Variants in KCNIP1 observed in about 807,000 individuals in gnomAD.
The protein encoded by KCNIP1 is A-type potassium channel modulatory protein KCNIP1.
KCNIP1 carries 18 observed loss-of-function variants against 33.0 expected under a neutral mutation model. The observed-to-expected ratio is 0.55, with a 90% CI of 0.38 to 0.81. KCNIP1 has a LOEUF of 0.81. Among genes scored for constraint, KCNIP1 ranks in the 30% least tolerant of loss-of-function variants. The pLI is 0.00. For synonymous variants in KCNIP1, 93 were observed against 98.3 expected (o/e 0.95, Z 0.32); for missense variants, 238 against 271.6 (o/e 0.88, Z 0.87).
At chr5:170,588,995 T>A (rs1382568861) in intron 1 of KCNIP1, among the ~76,000 whole-genome samples, 1 of 130,468 alleles carries the variant, frequency 7.7e-6, no homozygotes. Context: ...CATACTTACT[T>A]CTTTTTTTTT....
At chr5:170,543,554 G>C (rs1261970207) in intron 1 of KCNIP1, among the ~76,000 whole-genome samples, 1 of 152,140 alleles carries the variant, frequency 6.6e-6, no homozygotes, top group Non-Finnish European at 1.5e-5. Flanking sequence ...TCCTATCTTA[G>C]CACAGTCTAA....
chr5:170,607,145 C>T (rs1327291115), intron 1 of KCNIP1, among the ~76,000 whole-genome samples: 2 of 152,218 alleles, frequency 1.3e-5, no homozygotes, highest in African/African-American at 2.4e-5. Context: ...CTGTTGGTCT[C>T]TCATGCCCAA....
At chr5:170,483,444 G>A (rs1007555238) in intron 1 of KCNIP1, among the ~76,000 whole-genome samples, 15 of 152,124 alleles carry the variant, frequency 9.9e-5, no homozygotes, top group East Asian at 1.9e-4. Context: ...AGCCCCTCTC[G>A]CTTCTTTTTC....
At chr5:170,521,592 C>T (rs188047895) in intron 1 of KCNIP1, among the ~76,000 whole-genome samples, 71 of 152,294 alleles carry the variant, frequency 4.7e-4, no homozygotes, top group African/African-American at 1.6e-3. Context: ...CTGGGAAGGA[C>T]AAGGGGAATC....
intron 1 of KCNIP1, among the ~76,000 whole-genome samples, chr5:170,498,650 G>C (rs1299633965): frequency 1.3e-5 from 2 of 152,144 alleles, no homozygotes. Flanking sequence ...CATATATTTA[G>C]AATAGCGCCT....
intron 1 of KCNIP1, among the ~76,000 whole-genome samples, chr5:170,605,350 G>A (rs997904742): frequency 1.6e-4 from 24 of 152,120 alleles, no homozygotes; most frequent in Non-Finnish European, 3.2e-4. Context: ...CTATTTCCCA[G>A]CTGCAATTTC....
At chr5:170,353,762 T>G (rs1581100769) in exon 1 of KCNIP1, 1 of 872,618 alleles carries the variant, frequency 1.1e-6, no homozygotes, top group Non-Finnish European at 1.8e-6. Flanking sequence ...GCTTCAGGGG[T>G]GCATCCGTCA....
intron 1 of KCNIP1, among the ~76,000 whole-genome samples, chr5:170,581,430 A>G (rs542818625): frequency 2.9e-4 from 44 of 152,330 alleles, no homozygotes; most frequent in Admixed American, 7.2e-4. Context: ...GATGCACTTC[A>G]TGTGCCAGCT....
rs777376093 is a variant in KCNIP1 at position 170,392,634 on chromosome 5, C to G, written c.88+38670C>G. 5.9e-5 allele frequency among the ~76,000 whole-genome samples: 9 copies of G among 152,144 alleles called. No homozygotes were observed. In the South Asian group the frequency reaches 6.2e-4, roughly 11 times the overall value. ...GGCCAGTAGTTCGAGACCAGCCTGG[C>G]CAACATGGCGAAACCCCGTTTCTAC... On this transcript the variant is annotated intron_variant, in intron 1 of 7. Coordinates refer to the KCNIP1 transcript ENST00000377360.
intron 1 of KCNIP1, among the ~76,000 whole-genome samples, chr5:170,407,324 G>C (rs1293126731): frequency 1.3e-5 from 2 of 152,248 alleles, no homozygotes; most frequent in African/African-American, 2.4e-5. Flanking sequence ...GGTGGGTGCA[G>C]CTGCTGGGAA....
intron 1 of KCNIP1, among the ~76,000 whole-genome samples, chr5:170,507,393 G>A (rs544096566): frequency 6.6e-6 from 1 of 152,354 alleles, no homozygotes; most frequent in Non-Finnish European, 1.5e-5. Context: ...TGCTACATAA[G>A]TGGTCAGCAA....
chr5:170,395,051 A>G (rs1754724124), intron 1 of KCNIP1, among the ~76,000 whole-genome samples: 1 of 152,224 alleles, frequency 6.6e-6, no homozygotes, highest in Non-Finnish European at 1.5e-5. Flanking sequence ...TAGTGCGGCA[A>G]TAAATGTACA....
chr5:170,651,065 G>A (rs1761025479), intron 1 of KCNIP1, among the ~76,000 whole-genome samples: 2 of 152,192 alleles, frequency 1.3e-5, no homozygotes, highest in Admixed American at 1.3e-4. Flanking sequence ...GGTGAGTAGG[G>A]CTTGATCTCT....
intron 5 of KCNIP1, among the ~76,000 whole-genome samples, chr5:170,726,879 C>G (rs1355592773): frequency 6.6e-6 from 1 of 151,774 alleles, no homozygotes; most frequent in Non-Finnish European, 1.5e-5. Context: ...CCACTGCACT[C>G]CAGCCTGGGT....
intron 1 of KCNIP1, among the ~76,000 whole-genome samples, chr5:170,609,353 C>T (rs139416528): frequency 4.6e-5 from 7 of 152,198 alleles, no homozygotes; most frequent in African/African-American, 9.6e-5. Flanking sequence ...CATGAGTTAT[C>T]GCAAGCAATC....
At chr5:170,632,546 G>A (rs1760092884) in intron 1 of KCNIP1, among the ~76,000 whole-genome samples, 1 of 152,230 alleles carries the variant, frequency 6.6e-6, no homozygotes, top group African/African-American at 2.4e-5. Context: ...GCGTGGCCCT[G>A]GGCAAGCACC....
chr5:170,580,548 G>T (rs1238251825), intron 1 of KCNIP1, among the ~76,000 whole-genome samples: 3 of 152,288 alleles, frequency 2.0e-5, no homozygotes, highest in South Asian at 4.1e-4. Flanking sequence ...GCCTCATGCT[G>T]CACTGAGCAG....
At chr5:170,598,346 G>T (rs867126953) in intron 1 of KCNIP1, among the ~76,000 whole-genome samples, 1 of 152,140 alleles carries the variant, frequency 6.6e-6, no homozygotes, top group Non-Finnish European at 1.5e-5. Flanking sequence ...GAGGTGGCAG[G>T]TCAGAGAGAA....
chr5:170,595,147 T>C (rs1758400121), intron 1 of KCNIP1, among the ~76,000 whole-genome samples: 1 of 152,154 alleles, frequency 6.6e-6, no homozygotes, highest in African/African-American at 2.4e-5. Flanking sequence ...ATGACAGGTA[T>C]TCATTGGTTG....
Sources: gnomAD v4.1 joint callset for allele counts (sites outside exome capture counted in the v4.1 genomes callset) on GRCh38, gnomAD v4.1.1 for gene constraint, MANE v1.5 for transcripts, NCBI Gene and HGNC (gene_info 2026-07-23, HGNC 2026-07-21) for gene names.